Variants in PTPN13 observed in about 807,000 individuals in gnomAD.
PTPN13 encodes the protein protein tyrosine phosphatase non-receptor type 13.
Under a neutral mutation model 284.0 loss-of-function variants are expected in PTPN13, and 191 were observed. That is an observed-to-expected ratio of 0.67 (90% CI 0.60 to 0.76). The LOEUF (loss-of-function observed/expected upper bound fraction) is 0.76, where lower values mean the gene tolerates loss of function less well. Among genes scored for constraint, PTPN13 ranks in the 30% least tolerant of loss-of-function variants. The probability of loss-of-function intolerance (pLI) is 0.00; values close to 1 mark genes in which losing one functional copy is unlikely to be tolerated. For synonymous variants in PTPN13, 986 were observed against 1,022.3 expected (o/e 0.96, Z 0.68); for missense variants, 2,797 against 2,939.9 (o/e 0.95, Z 1.12).
chr4:86,764,730 G>C lies in PTPN13; in HGVS notation c.4149+6G>C, dbSNP rs771076052. 4 of 1,595,076 alleles carry C rather than the reference G, an allele frequency of 2.5e-6. No individual in the cohort carries two copies. Among genetic ancestry groups the C allele is most frequent in the Non-Finnish European group, 3.4e-6 (4 of 1,175,422 alleles). On this transcript the variant is annotated splice_donor_region_variant and intron_variant, in intron 25 of 47. Coordinates refer to ENST00000411767, the MANE Select transcript of PTPN13 (RefSeq NM_080683.3). ...GCTTGGGGATAAGTGTCACGGTACTGTTTGACAAGGTTTTCAAATGTTTTC... is the reference window on the plus strand; with the variant it reads ...GCTTGGGGATAAGTGTCACGGTACTCTTTGACAAGGTTTTCAAATGTTTTC...
At chr4:86,639,945 A>C (rs542481551) in intron 2 of PTPN13, among the ~76,000 whole-genome samples, 1 of 152,308 alleles carries the variant, frequency 6.6e-6, no homozygotes, top group African/African-American at 2.4e-5. Context: ...ATGCATGCTA[A>C]AGTTTGAGAA....
intron 19 of PTPN13, among the ~76,000 whole-genome samples, chr4:86,751,383 G>A (rs1737370606): frequency 6.6e-6 from 1 of 152,096 alleles, no homozygotes; most frequent in African/African-American, 2.4e-5. Flanking sequence ...CTGGAGTGCA[G>A]AGATCATGGC....
At chr4:86,748,794 T>C (rs1415760190) in intron 17 of PTPN13, among the ~76,000 whole-genome samples, 1 of 152,072 alleles carries the variant, frequency 6.6e-6, no homozygotes, top group African/African-American at 2.4e-5. Context: ...TAGCTGGGAC[T>C]ACAGGCGCCT....
chr4:86,814,335 A>C, intron 47 of PTPN13, 121 bp from the exon 48 acceptor site: 1 of 663,354 alleles, frequency 1.5e-6, no homozygotes, highest in Admixed American at 3.2e-5. Context: ...CAACATTCTA[A>C]CAAAATTTTT....
At chr4:86,620,697 C>T (rs1432554461) in intron 1 of PTPN13, among the ~76,000 whole-genome samples, 1 of 152,164 alleles carries the variant, frequency 6.6e-6, no homozygotes, top group Non-Finnish European at 1.5e-5. Context: ...ACAAAATGTA[C>T]TTATTTGTGT....
At chr4:86,699,271 A>G (rs1015022304) in intron 6 of PTPN13, among the ~76,000 whole-genome samples, 1 of 152,108 alleles carries the variant, frequency 6.6e-6, no homozygotes, top group Non-Finnish European at 1.5e-5. Context: ...CTGTGGTCCC[A>G]ACTACTCGGG....
intron 1 of PTPN13, among the ~76,000 whole-genome samples, chr4:86,632,133 A>G (rs1459560800): frequency 1.3e-5 from 2 of 152,112 alleles, no homozygotes; most frequent in African/African-American, 2.4e-5. Flanking sequence ...CTTTGGTAAT[A>G]CTAATGACTA....
intron 6 of PTPN13, among the ~76,000 whole-genome samples, chr4:86,700,616 A>G (rs775429074): frequency 4.6e-5 from 7 of 152,190 alleles, no homozygotes; most frequent in Non-Finnish European, 8.8e-5. Flanking sequence ...TCTGCCATGG[A>G]AACAGTAAGT....
rs1261507304 is a variant in PTPN13, at chr4:86,750,786, G to A, written c.2967G>A (p.Met989Ile). The change falls in exon 18 of 48, where the codon ATG (methionine) becomes ATA (isoleucine). Residue 989 changes from methionine (M) to isoleucine (I), a missense_variant. Physicochemically the swap from Met to Ile is conservative, Grantham distance 10. Transcript: ENST00000411767. ...YPHRKNVIVN[M>I]EPPPQTVAEL... ...ATCGGAAAAATGTCATTGTTAACATGGAACCCCCACCACAAACCGTTGCAG... is the reference window on the plus strand; with the variant it reads ...ATCGGAAAAATGTCATTGTTAACATAGAACCCCCACCACAAACCGTTGCAG... 2.5e-6 allele frequency: 4 copies of A among 1,613,578 alleles called. No individual in the cohort carries two copies. Among genetic ancestry groups the A allele is most frequent in the Non-Finnish European group, 3.4e-6 (4 of 1,179,714 alleles).
chr4:86,638,626 A>C (rs1389779891), intron 2 of PTPN13, among the ~76,000 whole-genome samples: 1 of 152,330 alleles, frequency 6.6e-6, no homozygotes. Context: ...GGCTAGCCAT[A>C]TGTAGAAAGC....
intron 16 of PTPN13, among the ~76,000 whole-genome samples, chr4:86,743,058 T>G (rs2149174785): frequency 6.6e-6 from 1 of 152,300 alleles, no homozygotes; most frequent in Non-Finnish European, 1.5e-5. Context: ...AACTCTCCTT[T>G]TTTCTTCTAC....
At chr4:86,692,864 G>T (rs78783488) in intron 5 of PTPN13, among the ~76,000 whole-genome samples, 1 of 152,130 alleles carries the variant, frequency 6.6e-6, no homozygotes, top group Non-Finnish European at 1.5e-5. Flanking sequence ...CAGATCACTT[G>T]ATGTCAGGAG....
intron 2 of PTPN13, among the ~76,000 whole-genome samples, chr4:86,669,285 G>GTATATATATA (rs34939020): frequency 0.014 from 1,578 of 113,254 alleles, 33 homozygotes; most frequent in African/African-American, 0.019. Context: ...GGAAGAAGAT[G>GTATATATATA]TATATATATA....
intron 7 of PTPN13, 58 bp from the exon 8 acceptor site, chr4:86,716,472 A>G (rs998609165): frequency 5.2e-5 from 52 of 1,002,280 alleles, no homozygotes; most frequent in Non-Finnish European, 5.1e-5. Context: ...TAATATTTTG[A>G]TTTATGTGGA....
At position 86,686,782 on chromosome 4, in the gene PTPN13, T is replaced by G; in HGVS notation, c.360+7T>G. The G allele has an allele frequency of 1.9e-6, 3 of 1,550,202 alleles. No homozygotes were observed. The highest frequency in any genetic ancestry group is 2.6e-6 in the Non-Finnish European group (3 of 1,140,610). ...TGAAGTGCCTCAGAGCCAAGTAAGT[T>G]AAGTTTTTACAGTTGTTATACTTTT... On this transcript the variant is annotated splice_region_variant and intron_variant, in intron 4 of 47. Transcript: ENST00000411767.
In PTPN13 at chr4:86,701,264, C is replaced by A; in HGVS notation, c.658C>A (p.Leu220Ile). ...AGGAAGAAGCTCTACTTCTGATGTA[C>A]TAGACATACAAAAGCCTCCACTCTC... is the stretch of plus-strand genomic sequence containing the variant. The part of the protein sequence containing the change: ...PTGRSSTSDV[L>I]DIQKPPLSHQ... The change falls in exon 7 of 48, where the codon CTA (leucine) becomes ATA (isoleucine). Residue 220 changes from leucine to isoleucine, a missense_variant. Physicochemically the swap from Leu to Ile is conservative, Grantham distance 5. Transcript: ENST00000411767. The A allele has an allele frequency of 6.3e-7, 1 of 1,590,832 alleles. No individual in the cohort carries two copies. The highest frequency in any genetic ancestry group is 8.5e-7 in the Non-Finnish European group (1 of 1,170,262).
chr4:86,770,241 A>T (rs1739833578), intron 30 of PTPN13, 42 bp downstream of exon 30: 1 of 1,500,094 alleles, frequency 6.7e-7, no homozygotes, highest in African/African-American at 1.4e-5. Flanking sequence ...ATAGAATATC[A>T]ACTTAGCAAC....
At chr4:86,605,854 A>G (rs1213221044) in intron 1 of PTPN13, among the ~76,000 whole-genome samples, 1 of 151,924 alleles carries the variant, frequency 6.6e-6, no homozygotes, top group Non-Finnish European at 1.5e-5. Flanking sequence ...GTTGGGAATC[A>G]TTACTGTTGG....
At chr4:86,750,088 G>A (rs1438493129) in intron 17 of PTPN13, among the ~76,000 whole-genome samples, 1 of 152,122 alleles carries the variant, frequency 6.6e-6, no homozygotes, top group Non-Finnish European at 1.5e-5. Flanking sequence ...ATCCTTGGGT[G>A]CTGATATTTT....
Sources: allele counts gnomAD v4.1 joint callset (sites outside exome capture counted in the v4.1 genomes callset), GRCh38; gene constraint gnomAD v4.1.1; transcripts MANE v1.5; gene names NCBI Gene and HGNC (gene_info 2026-07-23, HGNC 2026-07-21).